Variants in ZFPM2 observed in about 807,000 individuals in gnomAD.
The protein encoded by ZFPM2 is zinc finger protein ZFPM2.
Under a neutral mutation model 98.6 loss-of-function variants are expected in ZFPM2, and 20 were observed. The observed-to-expected ratio is 0.20, with a 90% CI of 0.14 to 0.29. The LOEUF (loss-of-function observed/expected upper bound fraction) is 0.29. ZFPM2 is among the 10% of genes least tolerant of loss of function. ZFPM2 has a pLI of 1.00. For synonymous variants in ZFPM2, 518 were observed against 502.7 expected (o/e 1.03, Z -0.41); for missense variants, 1,310 against 1,388.6 (o/e 0.94, Z 0.90).
chr8:105,477,189 A>G (rs1378183064), intron 3 of ZFPM2, among the ~76,000 whole-genome samples: 1 of 151,670 alleles, frequency 6.6e-6, no homozygotes, highest in Non-Finnish European at 1.5e-5. Flanking sequence ...CTTAATACTG[A>G]ACAACAATGA....
At chr8:105,400,802 A>T (rs1490385351) in intron 1 of ZFPM2, among the ~76,000 whole-genome samples, 2 of 152,076 alleles carry the variant, frequency 1.3e-5, no homozygotes, top group Non-Finnish European at 2.9e-5. Flanking sequence ...AAAATTAAAC[A>T]TAATTAAAAA....
chr8:105,690,297 A>G (rs972551094), intron 5 of ZFPM2, among the ~76,000 whole-genome samples: 2 of 152,364 alleles, frequency 1.3e-5, no homozygotes, highest in African/African-American at 2.4e-5. Context: ...CCGCAAGAGC[A>G]CTATGTTAAA....
chr8:105,756,206 G>T (rs1812593056), intron 5 of ZFPM2, among the ~76,000 whole-genome samples: 2 of 152,118 alleles, frequency 1.3e-5, no homozygotes, highest in African/African-American at 4.8e-5. Context: ...CCTACCTTAA[G>T]GTGGGTGAGA....
chr8:105,366,768 T>C (rs1810521599), intron 1 of ZFPM2, among the ~76,000 whole-genome samples: 1 of 149,686 alleles, frequency 6.7e-6, no homozygotes, highest in Admixed American at 6.7e-5. Context: ...GAATATGCGG[T>C]GTTTGGGTTT....
At chr8:105,606,061 T>A (rs1477269543) in intron 4 of ZFPM2, among the ~76,000 whole-genome samples, 1 of 152,118 alleles carries the variant, frequency 6.6e-6, no homozygotes, top group Non-Finnish European at 1.5e-5. Flanking sequence ...TTCCATTCTC[T>A]CATTGAGGAT....
intron 1 of ZFPM2, among the ~76,000 whole-genome samples, chr8:105,362,053 T>C (rs771682704): frequency 6.6e-6 from 1 of 152,032 alleles, no homozygotes; most frequent in Non-Finnish European, 1.5e-5. Context: ...CCAGGCATGA[T>C]TGCATGTGAA....
At position 105,476,971 on chromosome 8, in the gene ZFPM2, C is replaced by T. The variant is rs547486978; in HGVS notation, c.301+32590C>T. 6.6e-5 allele frequency among the ~76,000 whole-genome samples: 10 copies of T among 152,200 alleles called. No individual in the cohort carries two copies. In the South Asian group the frequency reaches 2.1e-3, roughly 32 times the overall value. On this transcript the variant is annotated intron_variant, in intron 3 of 7. Transcript: ENST00000407775. Reference sequence around the variant, plus strand: ...AGTCAGGAGATAGAGATTGCAAATACTCACAAACTGGATGTTTGGTGTTTC... The same window carrying T: ...AGTCAGGAGATAGAGATTGCAAATATTCACAAACTGGATGTTTGGTGTTTC...
At chr8:105,794,522 G>T (rs2131155139) in intron 6 of ZFPM2, among the ~76,000 whole-genome samples, 1 of 152,280 alleles carries the variant, frequency 6.6e-6, no homozygotes, top group African/African-American at 2.4e-5. Context: ...CTGCTCAGGG[G>T]TCAGGGGTCA....
chr8:105,509,087 A>G (rs1423047973), intron 3 of ZFPM2, among the ~76,000 whole-genome samples: 1 of 152,196 alleles, frequency 6.6e-6, no homozygotes, highest in African/African-American at 2.4e-5. Flanking sequence ...TATAGCAGCA[A>G]CAATTGATAG....
At chr8:105,788,463 C>T (rs1330179070) in intron 5 of ZFPM2, among the ~76,000 whole-genome samples, 3 of 152,146 alleles carry the variant, frequency 2.0e-5, no homozygotes, top group Non-Finnish European at 4.4e-5. Flanking sequence ...ACAAAAATCT[C>T]TACAAATTAT....
At chr8:105,517,739 A>ACC (rs1430628399) in intron 3 of ZFPM2, among the ~76,000 whole-genome samples, 5 of 150,262 alleles carry the variant, frequency 3.3e-5, no homozygotes, top group Non-Finnish European at 7.4e-5. Context: ...ACACACACAC[A>ACC]CACCCCTAGT....
At chr8:105,622,881 A>G (rs1816580802) in intron 4 of ZFPM2, among the ~76,000 whole-genome samples, 1 of 152,212 alleles carries the variant, frequency 6.6e-6, no homozygotes, top group South Asian at 2.1e-4. Flanking sequence ...TGATATTAAT[A>G]TAGTAAATTT....
chr8:105,503,962 G>A (rs534611268), intron 3 of ZFPM2, among the ~76,000 whole-genome samples: 2 of 152,260 alleles, frequency 1.3e-5, no homozygotes, highest in African/African-American at 4.8e-5. Context: ...GGCATCATTT[G>A]AACCCCATGA....
chr8:105,518,392 C>T (rs568499111), intron 3 of ZFPM2, among the ~76,000 whole-genome samples: 124 of 152,176 alleles, frequency 8.1e-4, no homozygotes, highest in Non-Finnish European at 1.1e-3. Context: ...TTTATTTATT[C>T]AAATTAAAGT....
At position 105,602,567 on chromosome 8, in the gene ZFPM2, A is replaced by G. The variant is rs77030895; in HGVS notation, c.421-31679A>G. 3.9e-3 allele frequency among the ~76,000 whole-genome samples: 590 copies of G among 152,240 alleles called. 2 individuals carry two copies. Among genetic ancestry groups the G allele is most frequent in the African/African-American group, 0.013 (555 of 41,564 alleles). On this transcript the variant is annotated intron_variant, in intron 4 of 7. Transcript: ENST00000407775. ...TAAGATTCATTGGGTTTATGTTCCA[A>G]TAATGGTTTTATAAATATTGTATGT... is the stretch of plus-strand genomic sequence containing the variant.
At chr8:105,742,380 A>AT (rs1812238379) in intron 5 of ZFPM2, among the ~76,000 whole-genome samples, 1 of 80,828 alleles carries the variant, frequency 1.2e-5, no homozygotes, top group Admixed American at 1.1e-4. Flanking sequence ...CCTGTCTCTT[A>AT]AAAAAAAAAA....
chr8:105,323,128 G>T (rs544305847), intron 1 of ZFPM2, among the ~76,000 whole-genome samples: 1 of 151,106 alleles, frequency 6.6e-6, no homozygotes, highest in Non-Finnish European at 1.5e-5. Flanking sequence ...TTGTTCTATG[G>T]GTCTTTTAAA....
intron 3 of ZFPM2, among the ~76,000 whole-genome samples, chr8:105,535,077 T>C (rs35784500): frequency 0.12 from 17,995 of 152,160 alleles, 1,165 homozygotes; most frequent in South Asian, 0.18. Context: ...GAATCAAACA[T>C]ATGAAGGCAT....
At chr8:105,674,914 G>A (rs1030151601) in intron 5 of ZFPM2, among the ~76,000 whole-genome samples, 2 of 152,158 alleles carry the variant, frequency 1.3e-5, no homozygotes, top group South Asian at 2.1e-4. Flanking sequence ...ACCAGAAAGG[G>A]GTGGAGTGCT....
Sources: allele counts gnomAD v4.1 joint callset (sites outside exome capture counted in the v4.1 genomes callset), GRCh38; gene constraint gnomAD v4.1.1; transcripts MANE v1.5; gene names NCBI Gene and HGNC (gene_info 2026-07-23, HGNC 2026-07-21).